PCDHA4: variants seen among roughly 807,000 people sequenced by gnomAD.
PCDHA4 encodes the protein protocadherin alpha 4, also known as protocadherin alpha-4.
Under a neutral mutation model 61.4 loss-of-function variants are expected in PCDHA4, and 49 were observed. The observed-to-expected ratio is 0.80, with a 90% CI of 0.63 to 1.01. PCDHA4 has a LOEUF of 1.01. PCDHA4 is among the 50% of genes least tolerant of loss of function. The pLI is 0.00. For synonymous variants in PCDHA4, 590 were observed against 550.3 expected, an observed-to-expected ratio of 1.07 and a Z score of -1.01; for missense variants, 1,254 against 1,235.8, an observed-to-expected ratio of 1.01 and a Z score of -0.22.
chr5:140,836,192 CA>C, intron 1 of PCDHA4: 1 of 1,613,846 alleles, frequency 6.2e-7, no homozygotes, highest in Non-Finnish European at 8.5e-7. Flanking sequence ...ACTCAGGCTA[CA>C]ACGCGTGGCT....
chr5:140,862,934 G>C (rs1050739882), intron 1 of PCDHA4: 3 of 542,192 alleles, frequency 5.5e-6, no homozygotes, highest in African/African-American at 2.0e-5. Flanking sequence ...TGGCGGCGCT[G>C]TGAGTGAGCT....
intron 1 of PCDHA4, 42 bp downstream of exon 1, chr5:140,809,614 T>C: frequency 2.0e-6 from 3 of 1,520,110 alleles, no homozygotes; most frequent in Non-Finnish European, 2.6e-6. Context: ...CGTATTGTTT[T>C]TCTCTATCAA....
chr5:140,853,719 C>T lies in PCDHA4; in HGVS notation c.2385+44147C>T, dbSNP rs2042844142. 3 of 988,390 alleles carry T rather than the reference C, an allele frequency of 3.0e-6. 1 individual carries two copies. Among genetic ancestry groups the T allele is most frequent in the Non-Finnish European group, 3.7e-6 (3 of 820,332 alleles). The allele number at this position is 988,390 out of a possible 1,614,324, so 61.2% of individuals were successfully genotyped here. Reference sequence around the variant, plus strand: ...GCTAACGCATTAGCATTAGCAGCACCTAAGTCCTCATTGAATGTTCTGGTT... The same window carrying T: ...GCTAACGCATTAGCATTAGCAGCACTTAAGTCCTCATTGAATGTTCTGGTT... On this transcript the variant is annotated intron_variant, in intron 1 of 3. Coordinates refer to ENST00000530339, the MANE Select transcript of PCDHA4 (RefSeq NM_018907.4).
intron 1 of PCDHA4, chr5:140,929,567 A>G (rs566554100): frequency 7.2e-5 from 33 of 456,594 alleles, no homozygotes; most frequent in Admixed American, 1.2e-4. Flanking sequence ...ATTTAAGAAC[A>G]ATAAAAGTAA....
chr5:140,809,118 G>A lies in PCDHA4; in HGVS notation c.1931G>A (p.Arg644His). ...TRALDETDAP[R>H]HRLLVLVKDH... ...GCCCTGGACGAAACGGACGCTCCGC[G>A]CCACCGCCTACTGGTACTGGTGAAG... is the stretch of plus-strand genomic sequence containing the variant. Residue 644 changes from arginine (R) to histidine (H), a missense_variant, in exon 1 of 4, where the codon CGC becomes CAC. Physicochemically the swap from Arg to His is conservative, Grantham distance 29. Transcript: ENST00000530339. 19 of 1,613,968 alleles carry A rather than the reference G, an allele frequency of 1.2e-5. No individual in the cohort carries two copies. Among genetic ancestry groups the A allele is most frequent in the Non-Finnish European group, 1.4e-5 (17 of 1,179,936 alleles).
intron 1 of PCDHA4, among the ~76,000 whole-genome samples, chr5:140,924,769 C>T (rs988519447): frequency 1.3e-5 from 2 of 151,766 alleles, no homozygotes; most frequent in Admixed American, 6.6e-5. Flanking sequence ...GTGGTGCGCG[C>T]TTGTAGTCCT....
intron 1 of PCDHA4, chr5:140,849,848 C>T (rs1554143388): frequency 6.3e-6 from 10 of 1,598,544 alleles, no homozygotes; most frequent in African/African-American, 4.0e-5. Context: ...TGAACGACAA[C>T]GCACCAGCGT....
At chr5:140,871,376 G>GCT (rs782235924) in intron 1 of PCDHA4, 26 of 1,614,078 alleles carry the variant, frequency 1.6e-5, no homozygotes, top group South Asian at 1.4e-4. Flanking sequence ...CAGAGGGTGT[G>GCT]CTCTGAGGAG....
chr5:140,933,211 CTG>C (rs1491057503), intron 1 of PCDHA4, among the ~76,000 whole-genome samples: 2 of 151,532 alleles, frequency 1.3e-5, no homozygotes, highest in Non-Finnish European at 3.0e-5. Context: ...AATTACATGT[CTG>C]TTATATTGCA....
intron 1 of PCDHA4, among the ~76,000 whole-genome samples, chr5:140,901,492 C>T (rs548353886): frequency 1.3e-5 from 2 of 152,234 alleles, no homozygotes; most frequent in South Asian, 2.1e-4. Flanking sequence ...GCACCTTCAT[C>T]GAAAATGAGT....
chr5:140,978,758 C>A (rs925464508), intron 1 of PCDHA4, among the ~76,000 whole-genome samples, 191 bp from the exon 2 acceptor site: 6 of 152,148 alleles, frequency 3.9e-5, no homozygotes, highest in African/African-American at 1.4e-4. Context: ...TGTGTGAGGA[C>A]CCTGATGAAC....
chr5:140,807,976 A>C lies in PCDHA4; in HGVS notation c.789A>C (p.Lys263Asn). The C allele has an allele frequency of 6.2e-7, 1 of 1,613,844 alleles. No homozygotes were observed. The highest frequency in any genetic ancestry group is 8.5e-7 in the Non-Finnish European group (1 of 1,179,756). ...ENVPNGTLVIKLNASDLDEGL... is the reference protein window; with the variant it reads ...ENVPNGTLVINLNASDLDEGL... ...TTCCTAATGGAACATTGGTAATTAA[A>C]CTTAACGCCTCAGATTTAGACGAAG... The change falls in exon 1 of 4, where the codon AAA becomes AAC. Residue 263 changes from lysine to asparagine, a missense_variant. Physicochemically the swap from Lys to Asn is moderately conservative, Grantham distance 94. Transcript: ENST00000530339.
chr5:140,822,839 T>C (rs2150119735), intron 1 of PCDHA4: 9 of 1,614,184 alleles, frequency 5.6e-6, no homozygotes, highest in Non-Finnish European at 7.6e-6. Flanking sequence ...ACCACCCTTT[T>C]CCTGCCTGTC....
intron 3 of PCDHA4, among the ~76,000 whole-genome samples, chr5:140,987,825 G>A (rs1181525478): frequency 1.3e-5 from 2 of 151,894 alleles, no homozygotes; most frequent in Admixed American, 1.3e-4. Flanking sequence ...GTTTCCTTAG[G>A]GGATTGCTTT....
intron 1 of PCDHA4, among the ~76,000 whole-genome samples, chr5:140,896,899 C>T (rs191660343): frequency 1.4e-4 from 21 of 152,112 alleles, no homozygotes; most frequent in Admixed American, 1.4e-3. Flanking sequence ...CATTTTGATA[C>T]AAGCATGCAA....
In PCDHA4 at chr5:140,834,765, G is replaced by C. The variant is rs2150225893; in HGVS notation, c.2385+25193G>C. 7 of 1,614,098 alleles carry C rather than the reference G, an allele frequency of 4.3e-6. No homozygotes were observed. The highest frequency in any genetic ancestry group is 5.9e-6 in the Non-Finnish European group (7 of 1,180,028). On this transcript the variant is annotated intron_variant, in intron 1 of 3. Transcript: ENST00000530339. The stretch of plus-strand genomic sequence containing the variant: ...GGACGTGGAGGTGAAGGACATTAAC[G>C]ACAACCCTCCGGTGTTCCCAGCGAC...
intron 1 of PCDHA4, among the ~76,000 whole-genome samples, chr5:140,871,794 ATTACTATT>A (rs1415079404): frequency 2.2e-4 from 33 of 152,228 alleles, no homozygotes; most frequent in African/African-American, 7.7e-4. Flanking sequence ...AGTAGAAATA[ATTACTATT>A]TTCACTAAAG....
intron 1 of PCDHA4, chr5:140,841,399 G>A: frequency 6.2e-7 from 1 of 1,613,120 alleles, no homozygotes; most frequent in Non-Finnish European, 8.5e-7. Context: ...CCTGGAAGGT[G>A]GGGAGCGGCC....
At chr5:140,980,948 G>C (rs72802987) in intron 2 of PCDHA4, among the ~76,000 whole-genome samples, 1 of 152,206 alleles carries the variant, frequency 6.6e-6, no homozygotes, top group Non-Finnish European at 1.5e-5. Flanking sequence ...CTGGCTCCAG[G>C]ATAGTTACAC....
Sources: allele counts gnomAD v4.1 joint callset (sites outside exome capture counted in the v4.1 genomes callset), GRCh38; gene constraint gnomAD v4.1.1; transcripts MANE v1.5; gene names NCBI Gene and HGNC (gene_info 2026-07-23, HGNC 2026-07-21).